Variants in SLC30A6 observed in about 807,000 individuals in gnomAD.
The protein encoded by SLC30A6 is zinc transporter 6.
Under a neutral mutation model 63.0 loss-of-function variants are expected in SLC30A6, and 55 were observed. The observed-to-expected ratio is 0.87, with a 90% CI of 0.70 to 1.09. SLC30A6 has a LOEUF of 1.09. Among genes scored for constraint, SLC30A6 ranks in the 50% least tolerant of loss-of-function variants. The pLI, the probability that SLC30A6 is intolerant of heterozygous loss-of-function variation, is 0.00. For missense variants in SLC30A6, 587 were observed against 549.2 expected (o/e 1.07, Z -0.69); for synonymous variants, 224 against 186.1 (o/e 1.20, Z -1.66).
At chr2:32,168,696 C>G (rs1176656864) in intron 1 of SLC30A6, among the ~76,000 whole-genome samples, 2 of 152,076 alleles carry the variant, frequency 1.3e-5, no homozygotes, top group South Asian at 4.1e-4. Flanking sequence ...TGAATAAGAG[C>G]TTGGGTTAGA....
chr2:32,197,567 G>A, intron 9 of SLC30A6, 140 bp from the exon 10 acceptor site: 1 of 1,340,448 alleles, frequency 7.5e-7, no homozygotes, highest in Non-Finnish European at 1.0e-6. Flanking sequence ...ATAAATGAAA[G>A]GGCTTTGTTC....
chr2:32,202,533 G>T (rs550619306), intron 10 of SLC30A6: 2 of 317,312 alleles, frequency 6.3e-6, no homozygotes, highest in Admixed American at 4.4e-5. Flanking sequence ...GGATTTCACC[G>T]TGTTAGCCAG....
In SLC30A6 at chr2:32,220,964, A is replaced by G. The variant is rs1009813133; in HGVS notation, c.*251A>G. The G allele has an allele frequency of 4.8e-6, 2 of 416,122 alleles. No homozygotes were observed. The highest frequency in any genetic ancestry group is 4.0e-5 in the Admixed American group (1 of 25,266). 25.8% of individuals were successfully genotyped at this position (416,122 alleles called of 1,614,324 possible). ...TGTTTCTTTAAATTTGGATTTTGGT[A>G]TCTTTGGTTTTGTAGTTGACTGCAG... is the stretch of plus-strand genomic sequence containing the variant. On this transcript the variant is annotated 3_prime_UTR_variant, in exon 14 of 14. Coordinates refer to ENST00000282587, the MANE Select transcript of SLC30A6 (RefSeq NM_017964.5).
intron 7 of SLC30A6, 110 bp from the exon 8 acceptor site, chr2:32,193,779 T>C (rs1683543243): frequency 1.3e-6 from 1 of 789,454 alleles, no homozygotes; most frequent in Non-Finnish European, 2.1e-6. Flanking sequence ...ACCAAATCAT[T>C]AAAGCAGACC....
At chr2:32,180,474 G>C (rs2148821668) in intron 4 of SLC30A6, among the ~76,000 whole-genome samples, 1 of 151,870 alleles carries the variant, frequency 6.6e-6, no homozygotes, top group African/African-American at 2.4e-5. Context: ...TGTCACCCAA[G>C]CTAGAGTACA....
In SLC30A6 at chr2:32,175,252, T is replaced by C. The variant is rs969941031; in HGVS notation, c.176-67T>C. On this transcript the variant is annotated intron_variant, in intron 3 of 13. Transcript: ENST00000282587. ...TGGATACCCCTGGTAGAAATAATTTTGGTAACTTGCTGTATTTTTTTAGAG... is the reference window on the plus strand; with the variant it reads ...TGGATACCCCTGGTAGAAATAATTTCGGTAACTTGCTGTATTTTTTTAGAG... 2.7e-6 allele frequency: 4 copies of C among 1,468,800 alleles called. No individual in the cohort carries two copies. In the African/African-American group the frequency reaches 4.2e-5, roughly 15 times the overall value. 91.0% of individuals were successfully genotyped at this position (1,468,800 alleles called of 1,614,324 possible). A position where few individuals can be genotyped will look rare whatever the true frequency, so the allele number is the denominator to read the frequency against.
chr2:32,178,621 T>G (rs1002219733), intron 4 of SLC30A6, among the ~76,000 whole-genome samples: 18 of 152,172 alleles, frequency 1.2e-4, no homozygotes, highest in African/African-American at 4.3e-4. Flanking sequence ...TTGCAGTAAG[T>G]GAGCCGGAAT....
chr2:32,188,075 C>CTG (rs1682997674), intron 5 of SLC30A6, among the ~76,000 whole-genome samples: 1 of 152,140 alleles, frequency 6.6e-6, no homozygotes, highest in African/African-American at 2.4e-5. Context: ...GATCAGGACC[C>CTG]TGCCTACTTT....
intron 8 of SLC30A6, among the ~76,000 whole-genome samples, chr2:32,196,504 A>C (rs1683803119): frequency 6.6e-6 from 1 of 152,140 alleles, no homozygotes; most frequent in African/African-American, 2.4e-5. Context: ...ATTTGTATGT[A>C]GTTTGAATAT....
intron 5 of SLC30A6, chr2:32,187,219 C>T (rs570971646): frequency 2.3e-5 from 11 of 470,978 alleles, no homozygotes; most frequent in African/African-American, 2.2e-4. Context: ...CGAAATGATG[C>T]TCCTATCAAG....
At chr2:32,193,059 C>A (rs533535475) in intron 7 of SLC30A6, 106 bp downstream of exon 7, 3 of 687,298 alleles carry the variant, frequency 4.4e-6, no homozygotes, top group African/African-American at 3.8e-5. Context: ...GGCAACATAA[C>A]GTTTTTGCTG....
chr2:32,200,907 G>A (rs1684236269), intron 10 of SLC30A6, among the ~76,000 whole-genome samples: 1 of 152,134 alleles, frequency 6.6e-6, no homozygotes, highest in Admixed American at 6.5e-5. Context: ...TCAGCACAGA[G>A]TCCTGAGTAA....
chr2:32,179,060 A>G (rs1430183345), intron 4 of SLC30A6, among the ~76,000 whole-genome samples: 1 of 152,038 alleles, frequency 6.6e-6, no homozygotes, highest in Non-Finnish European at 1.5e-5. Flanking sequence ...AGGTCTTCTT[A>G]TGTTGCCCAG....
chr2:32,209,236 G>T (rs774334235), intron 12 of SLC30A6, among the ~76,000 whole-genome samples: 2 of 152,172 alleles, frequency 1.3e-5, no homozygotes, highest in African/African-American at 4.8e-5. Context: ...TTGGGGTAGG[G>T]GTTTAAAACT....
At chr2:32,201,629 T>G in intron 10 of SLC30A6, 13 of 1,515,934 alleles carry the variant, frequency 8.6e-6, no homozygotes, top group Non-Finnish European at 1.2e-5. Flanking sequence ...GGGGGTACAT[T>G]ATGGAACTGG....
At chr2:32,208,533 G>A (rs1684980463) in intron 12 of SLC30A6, among the ~76,000 whole-genome samples, 1 of 151,148 alleles carries the variant, frequency 6.6e-6, no homozygotes, top group Admixed American at 6.6e-5. Context: ...TCCCATCTTG[G>A]CCTTCCAAAG....
chr2:32,219,234 A>G (rs1685958841), intron 13 of SLC30A6, among the ~76,000 whole-genome samples: 1 of 151,592 alleles, frequency 6.6e-6, no homozygotes, highest in Non-Finnish European at 1.5e-5. Context: ...GGGTTTCACC[A>G]TGTTGGTCAG....
chr2:32,169,718 G>A (rs767775851), intron 1 of SLC30A6, among the ~76,000 whole-genome samples: 26 of 152,170 alleles, frequency 1.7e-4, no homozygotes, highest in Non-Finnish European at 2.1e-4. Context: ...CCTGTTTGCC[G>A]TGTAGCCTAT....
At chr2:32,206,708 A>G (rs960285216) in intron 11 of SLC30A6, among the ~76,000 whole-genome samples, 178 bp from the exon 12 acceptor site, 10 of 152,126 alleles carry the variant, frequency 6.6e-5, no homozygotes, top group African/African-American at 2.2e-4. Context: ...GGTGTGGGCC[A>G]GTTGATGATG....
Sources: gnomAD v4.1 joint callset for allele counts (sites outside exome capture counted in the v4.1 genomes callset) on GRCh38, gnomAD v4.1.1 for gene constraint, MANE v1.5 for transcripts, NCBI Gene and HGNC (gene_info 2026-07-23, HGNC 2026-07-21) for gene names.